The following PRAP1 variants were observed in gnomAD, a reference collection of about 807,000 sequenced individuals.
The protein encoded by PRAP1 is proline-rich acidic protein 1.
PRAP1 carries 12 observed loss-of-function variants against 14.6 expected under a neutral mutation model. That is an observed-to-expected ratio of 0.82 (90% CI 0.53 to 1.33). The LOEUF (loss-of-function observed/expected upper bound fraction) is 1.33, where lower values mean the gene tolerates loss of function less well. Ranked by LOEUF, PRAP1 falls within the 40% of genes most tolerant of loss-of-function variation. The probability of loss-of-function intolerance (pLI) is 0.00; values close to 1 mark genes in which losing one functional copy is unlikely to be tolerated. For synonymous variants in PRAP1, 81 were observed against 80.3 expected (o/e 1.01, Z -0.04); for missense variants, 160 against 193.7 (o/e 0.83, Z 1.03).
In PRAP1 at chr10:133,351,186, C is replaced by T. The variant is rs1322502485; in HGVS notation, c.76-195C>T. ...TGGGCACAGGCCGGCAACCTCAATC[C>T]CGGCTTGCAATCCCAACACCCGAGA... On this transcript the variant is annotated intron_variant, in intron 2 of 4. Transcript: ENST00000433452. The surrounding 1 kb of genome is among the most constrained non-coding windows in gnomAD (Gnocchi z 4.3). Among the ~76,000 whole-genome samples, 1 of 152,184 alleles carries T rather than the reference C, an allele frequency of 6.6e-6. No individual in the cohort carries two copies. Among genetic ancestry groups the T allele is most frequent in the Non-Finnish European group, 1.5e-5 (1 of 68,018 alleles).
At chr10:133,349,145 C>T (rs1391132139) in intron 1 of PRAP1, among the ~76,000 whole-genome samples, 1 of 151,432 alleles carries the variant, frequency 6.6e-6, no homozygotes, top group Non-Finnish European at 1.5e-5. Flanking sequence ...CTACACACCA[C>T]ACACGCATGC....
intron 2 of PRAP1, 23 bp downstream of exon 2, chr10:133,350,184 T>C: frequency 6.2e-7 from 1 of 1,607,126 alleles, no homozygotes; most frequent in African/African-American, 1.3e-5. Flanking sequence ...CCCTCCCATC[T>C]GGGCAGCAAC....
Position 133,352,493 on chromosome 10 carries a change from G to T in PRAP1, c.*53G>T. 6.6e-7 allele frequency: 1 copy of T among 1,516,936 alleles called. No individual in the cohort carries two copies. The highest frequency in any genetic ancestry group is 9.1e-7 in the Non-Finnish European group (1 of 1,104,360). The allele number at this position is 1,516,936 out of a possible 1,614,324, so 94.0% of individuals were successfully genotyped here. On this transcript the variant is annotated 3_prime_UTR_variant, in exon 5 of 5. Coordinates refer to ENST00000433452, the MANE Select transcript of PRAP1 (RefSeq NM_145202.5). The stretch of plus-strand genomic sequence containing the variant: ...CCTGTCCCAAGGCCCAGGCTGTTGG[G>T]ACTGGGACCCTCCCTACCCTGCCCC...
chr10:133,350,221 G>A, intron 2 of PRAP1, 60 bp downstream of exon 2: 1 of 1,490,710 alleles, frequency 6.7e-7, no homozygotes, highest in Non-Finnish European at 9.3e-7. Context: ...TGCCCCTACA[G>A]CAGGGGATGT....
At position 133,352,248 on chromosome 10, in the gene PRAP1, C is replaced by CA; in HGVS notation, c.265dup (p.Thr89AsnfsTer22). ...ATACCTTCATGTGCTTGTCCCTAGG[C>CA]ACCAAGGCCTGGATGGAGACCGAGG... On this transcript the variant is annotated frameshift_variant and splice_region_variant, in exon 5 of 5. Transcript: ENST00000433452. LOFTEE classifies it low-confidence loss of function (END_TRUNC). 2.5e-6 allele frequency: 4 copies of CA among 1,612,784 alleles called. No homozygotes were observed. The highest frequency in any genetic ancestry group is 3.4e-6 in the Non-Finnish European group (4 of 1,179,758).
At chr10:133,350,715 A>G (rs1848662290) in intron 2 of PRAP1, 1 of 155,828 alleles carries the variant, frequency 6.4e-6, no homozygotes. Flanking sequence ...TGTCAAGGCC[A>G]CACAGTCTTG....
rs150902111 is a variant in PRAP1 at position 133,352,335 on chromosome 10, T to C, written c.351T>C (p.Pro117=). 3.2e-5 allele frequency: 52 copies of C among 1,612,902 alleles called. No individual in the cohort carries two copies. The African/African-American group carries it at 5.3e-4, about 17-fold the overall frequency. The change falls in exon 5 of 5, where the codon CCT becomes CCC. Residue 117 remains proline (P), a synonymous_variant. Transcript: ENST00000433452. ...ATGACAGCCTGTACCACCCTCCGCCTGAGGAGGACCAGGGCGAGGAGAGGC... is the reference window on the plus strand; with the variant it reads ...ATGACAGCCTGTACCACCCTCCGCCCGAGGAGGACCAGGGCGAGGAGAGGC... ...PDHDSLYHPP[P]EEDQGEERPR... is the part of the protein sequence containing the mutation.
intron 1 of PRAP1, among the ~76,000 whole-genome samples, chr10:133,348,275 G>C (rs1184530829): frequency 1.3e-5 from 2 of 152,170 alleles, no homozygotes; most frequent in Non-Finnish European, 2.9e-5. Context: ...AACCAGCTGG[G>C]GGTCCTGAGG....
intron 1 of PRAP1, among the ~76,000 whole-genome samples, chr10:133,348,807 G>A (rs1235170559): frequency 4.6e-5 from 7 of 151,886 alleles, no homozygotes; most frequent in South Asian, 2.1e-4. Context: ...GATTACAGGC[G>A]TGAGTCACCG....
Position 133,351,166 on chromosome 10 carries a change from A to G in PRAP1, c.76-215A>G, listed in dbSNP as rs992209096. On this transcript the variant is annotated intron_variant, in intron 2 of 4. Coordinates refer to ENST00000433452, the MANE Select transcript of PRAP1 (RefSeq NM_145202.5). This position sits in a 1 kb window ranked among gnomAD's most constrained non-coding sequence, Gnocchi z 4.3. Reference sequence around the variant, plus strand: ...TTCCAGGCCAGCTGGTCATCTGGGCACAGGCCGGCAACCTCAATCCCGGCT... The same window carrying G: ...TTCCAGGCCAGCTGGTCATCTGGGCGCAGGCCGGCAACCTCAATCCCGGCT... 2.6e-5 allele frequency among the ~76,000 whole-genome samples: 4 copies of G among 152,134 alleles called. No homozygotes were observed. Among genetic ancestry groups the G allele is most frequent in the Admixed American group, 2.6e-4 (4 of 15,280 alleles).
In PRAP1 at chr10:133,351,912, T is replaced by G. The variant is rs997541908; in HGVS notation, c.129-95T>G. 11 of 1,492,696 alleles carry G rather than the reference T, an allele frequency of 7.4e-6. No individual in the cohort carries two copies. In the African/African-American group the frequency reaches 1.5e-4, roughly 21 times the overall value. 92.5% of individuals were successfully genotyped at this position (1,492,696 alleles called of 1,614,324 possible). On this transcript the variant is annotated intron_variant, in intron 3 of 4. Coordinates refer to ENST00000433452, the MANE Select transcript of PRAP1 (RefSeq NM_145202.5). This position sits in a 1 kb window ranked among gnomAD's most constrained non-coding sequence, Gnocchi z 4.3. ...GTCCTGGGGCTGCTGGTGGTGGGGC[T>G]GGAGTGGCTGCCCTGGGATGGTGGG... is the stretch of plus-strand genomic sequence containing the variant.
rs1036886229 is a variant in PRAP1 at position 133,350,146 on chromosome 10, A to G, written c.60A>G (p.Ala20=). 6.2e-7 allele frequency: 1 copy of G among 1,613,306 alleles called. No individual in the cohort carries two copies. The highest frequency in any genetic ancestry group is 8.5e-7 in the Non-Finnish European group (1 of 1,179,788). ...TTGTGCTGCTGTGGGAGGCAGGTGC[A>G]GTCCCAGCACCCAAGGTAGGTGTGA... The part of the protein sequence containing the change: ...LVVVLLWEAG[A]VPAPKVPIKM... The change falls in exon 2 of 5, where the codon GCA becomes GCG. Residue 20 remains alanine, a synonymous_variant. Coordinates refer to ENST00000433452, the MANE Select transcript of PRAP1 (RefSeq NM_145202.5).
intron 1 of PRAP1, among the ~76,000 whole-genome samples, chr10:133,348,731 T>C (rs1848626167): frequency 6.6e-6 from 1 of 150,850 alleles, no homozygotes; most frequent in Admixed American, 6.6e-5. Context: ...TTTCACCATA[T>C]TGGCCAGGCT....
chr10:133,347,965 T>C lies in PRAP1; in HGVS notation c.8+540T>C, dbSNP rs1349397574. ...TGCCCTCCTCCTCTTCCCCCTCCTC[T>C]AAGCCAGGGCCCTCCCTGCCCCTCC... On this transcript the variant is annotated intron_variant, in intron 1 of 4. Transcript: ENST00000433452. This position sits in a 1 kb window ranked among gnomAD's most constrained non-coding sequence, Gnocchi z 5.0. 7.9e-5 allele frequency among the ~76,000 whole-genome samples: 12 copies of C among 152,096 alleles called. No homozygotes were observed. The highest frequency in any genetic ancestry group is 5.2e-4 in the Admixed American group (8 of 15,282).
At chr10:133,348,446 G>T (rs1174088489) in intron 1 of PRAP1, among the ~76,000 whole-genome samples, 2 of 152,292 alleles carry the variant, frequency 1.3e-5, no homozygotes, top group Admixed American at 6.5e-5. Flanking sequence ...CCCAGACACT[G>T]ATTCTTCTGC....
At chr10:133,348,652 T>C (rs1383825246) in intron 1 of PRAP1, among the ~76,000 whole-genome samples, 1 of 151,062 alleles carries the variant, frequency 6.6e-6, no homozygotes, top group Non-Finnish European at 1.5e-5. Flanking sequence ...TAGCTGGGAT[T>C]ACAGGCACCT....
Position 133,351,300 on chromosome 10 carries a change from TG to T in PRAP1, c.76-78del. On this transcript the variant is annotated intron_variant, in intron 2 of 4. Coordinates refer to ENST00000433452, the MANE Select transcript of PRAP1 (RefSeq NM_145202.5). The surrounding 1 kb of genome is among the most constrained non-coding windows in gnomAD (Gnocchi z 4.3). ...CACCTCCACCCCATGCAGCCCCAGG[TG>T]GGCCTCGGAGCAACCTCTCCCCAGG... 1 of 1,080,488 alleles carries T rather than the reference TG, an allele frequency of 9.3e-7. No homozygotes were observed. The highest frequency in any genetic ancestry group is 1.4e-6 in the Non-Finnish European group (1 of 731,516). 66.9% of individuals were successfully genotyped at this position (1,080,488 alleles called of 1,614,324 possible).
rs1848675646 is a variant in PRAP1, at chr10:133,351,361, C to A, written c.76-20C>A. 6.2e-7 allele frequency: 1 copy of A among 1,608,314 alleles called. No homozygotes were observed. Among genetic ancestry groups the A allele is most frequent in the Non-Finnish European group, 8.5e-7 (1 of 1,177,014 alleles). ...CCCGCGTGGACTGTGGCCCAGCCCA[C>A]ACCTGTGACTCTCCCCCAGGTCCCT... On this transcript the variant is annotated intron_variant, in intron 2 of 4. Coordinates refer to ENST00000433452, the MANE Select transcript of PRAP1 (RefSeq NM_145202.5). This position sits in a 1 kb window ranked among gnomAD's most constrained non-coding sequence, Gnocchi z 4.3.
chr10:133,352,460 GC>G lies in PRAP1; in HGVS notation c.*25del, dbSNP rs761067490. The G allele has an allele frequency of 4.4e-6, 7 of 1,604,126 alleles. No individual in the cohort carries two copies. The Admixed American group carries it at 1.2e-4, about 27-fold the overall frequency. The stretch of plus-strand genomic sequence containing the variant: ...CAGTAGGGCTCCAGGGGCCATCACT[GC>G]CCCCGCCCTGTCCCAAGGCCCAGGC... On this transcript the variant is annotated 3_prime_UTR_variant, in exon 5 of 5. Coordinates refer to ENST00000433452, the MANE Select transcript of PRAP1 (RefSeq NM_145202.5).
Sources: gnomAD v4.1 joint callset for allele counts (sites outside exome capture counted in the v4.1 genomes callset) on GRCh38, gnomAD v4.1.1 for gene constraint, Gnocchi (gnomAD v3.1) non-coding constraint, MANE v1.5 for transcripts, NCBI Gene and HGNC (gene_info 2026-07-23, HGNC 2026-07-21) for gene names.